Variants in ABCB1 observed in about 807,000 individuals in gnomAD.
ABCB1 encodes the protein ATP binding cassette subfamily B member 1.
ABCB1 carries 69 observed loss-of-function variants against 142.0 expected under a neutral mutation model. The observed-to-expected ratio is 0.49, with a 90% CI of 0.40 to 0.59. The LOEUF (loss-of-function observed/expected upper bound fraction) is 0.59, where lower values mean the gene tolerates loss of function less well. ABCB1 is among the 20% of genes least tolerant of loss of function. The pLI, the probability that ABCB1 is intolerant of heterozygous loss-of-function variation, is 0.00. For synonymous variants in ABCB1, 532 were observed against 539.2 expected, an observed-to-expected ratio of 0.99 and a Z score of 0.18; for missense variants, 1,326 against 1,554.7, an observed-to-expected ratio of 0.85 and a Z score of 2.47.
chr7:87,690,098 G>A (rs1021523244), intron 1 of ABCB1, among the ~76,000 whole-genome samples: 1 of 151,930 alleles, frequency 6.6e-6, no homozygotes, highest in African/African-American at 2.4e-5. Context: ...CTAAAGGGCC[G>A]GGAATACAGG....
At chr7:87,666,178 A>C (rs1030506350) in intron 1 of ABCB1, among the ~76,000 whole-genome samples, 2 of 152,158 alleles carry the variant, frequency 1.3e-5, no homozygotes, top group African/African-American at 4.8e-5. Flanking sequence ...AGTAATAGCC[A>C]TTCTGACTGG....
intron 1 of ABCB1, among the ~76,000 whole-genome samples, chr7:87,663,965 T>G (rs1824970989): frequency 6.6e-6 from 1 of 152,142 alleles, no homozygotes; most frequent in Non-Finnish European, 1.5e-5. Context: ...TTCACCTTAA[T>G]TAACTCCTTA....
intron 23 of ABCB1, among the ~76,000 whole-genome samples, chr7:87,517,121 A>T (rs962335170): frequency 6.6e-6 from 1 of 152,090 alleles, no homozygotes; most frequent in African/African-American, 2.4e-5. Flanking sequence ...ACATTTCCTT[A>T]TAAGTTCATG....
At chr7:87,703,749 T>A (rs548370048) in intron 1 of ABCB1, among the ~76,000 whole-genome samples, 9 of 152,002 alleles carry the variant, frequency 5.9e-5, no homozygotes, top group Non-Finnish European at 1.0e-4. Context: ...TCCCAACTAT[T>A]GTCCTTTGAC....
chr7:87,631,902 A>G (rs1234813864), intron 1 of ABCB1, among the ~76,000 whole-genome samples: 1 of 152,228 alleles, frequency 6.6e-6, no homozygotes, highest in African/African-American at 2.4e-5. Context: ...TTATAGGCTT[A>G]AAATTAATAA....
intron 21 of ABCB1, chr7:87,522,422 G>T (rs1309023435): frequency 3.1e-6 from 2 of 649,466 alleles, no homozygotes; most frequent in Admixed American, 1.8e-5. Context: ...TTAAATTACT[G>T]CCAGGAAACA....
chr7:87,608,104 A>T (rs1241226775), intron 1 of ABCB1, among the ~76,000 whole-genome samples: 2 of 152,194 alleles, frequency 1.3e-5, no homozygotes, highest in Non-Finnish European at 2.9e-5. Context: ...AATAATAGCA[A>T]ATTTTGCCTT....
At chr7:87,709,730 C>T (rs1829900919) in intron 1 of ABCB1, among the ~76,000 whole-genome samples, 1 of 152,020 alleles carries the variant, frequency 6.6e-6, no homozygotes, top group South Asian at 2.1e-4. Context: ...TTAGTGTCAC[C>T]TTTATACTGC....
Position 87,600,147 on chromosome 7 carries a change from T to A in ABCB1, c.38A>T (p.Lys13Met). 6.2e-7 allele frequency: 1 copy of A among 1,614,124 alleles called. No individual in the cohort carries two copies. The highest frequency in any genetic ancestry group is 8.5e-7 in the Non-Finnish European group (1 of 1,179,958). The change falls in exon 2 of 28, where the codon AAG becomes ATG. Residue 13 changes from lysine (K) to methionine (M), a missense_variant. Lys to Met is a moderately conservative substitution (Grantham distance 95). Transcript: ENST00000622132. ...LEGDRNGGAK[K>M]KNFFKLNNKS... Reference sequence around the variant, plus strand: ...ATTGTTCAGTTTAAAAAAGTTCTTCTTCTTTGCTCCTCCATTGCGGTCCCC... The same window carrying A: ...ATTGTTCAGTTTAAAAAAGTTCTTCATCTTTGCTCCTCCATTGCGGTCCCC...
intron 1 of ABCB1, among the ~76,000 whole-genome samples, chr7:87,667,045 A>G (rs975701518): frequency 5.3e-5 from 8 of 152,286 alleles, no homozygotes; most frequent in Middle Eastern, 3.4e-3. Flanking sequence ...TGGTAGTTTG[A>G]TAGGAATAGC....
rs1319770588 is a variant in ABCB1, at chr7:87,531,505, A to G, written c.2482-8T>C. Reference sequence around the variant, plus strand: ...AAGCCTGGAACCTATAGCCTGCAAAACAAAACAAATTAGAGAAATTTTAAA... The same window carrying G: ...AAGCCTGGAACCTATAGCCTGCAAAGCAAAACAAATTAGAGAAATTTTAAA... On this transcript the variant is annotated splice_polypyrimidine_tract_variant and splice_region_variant and intron_variant, in intron 20 of 27. Transcript: ENST00000622132. The G allele has an allele frequency of 1.2e-6, 2 of 1,611,994 alleles. No individual in the cohort carries two copies. The highest frequency in any genetic ancestry group is 1.3e-5 in the African/African-American group (1 of 74,862).
chr7:87,604,769 C>T (rs981801390), upstream of ABCB1, among the ~76,000 whole-genome samples: 1 of 152,104 alleles, frequency 6.6e-6, no homozygotes, highest in African/African-American at 2.4e-5. Flanking sequence ...TTAATTAAGT[C>T]GCTTAGTGAG....
intron 4 of ABCB1, among the ~76,000 whole-genome samples, chr7:87,585,075 CCTT>C (rs974827640): frequency 1.3e-5 from 2 of 152,096 alleles, no homozygotes; most frequent in African/African-American, 4.8e-5. Context: ...AATCCACTCT[CCTT>C]CTCCATCTCT....
At chr7:87,693,093 A>G (rs1828161776) in intron 1 of ABCB1, among the ~76,000 whole-genome samples, 1 of 152,180 alleles carries the variant, frequency 6.6e-6, no homozygotes, top group African/African-American at 2.4e-5. Context: ...GTGTTTGACT[A>G]TGAGAGAAGG....
At chr7:87,592,047 G>C (rs189285029) in intron 3 of ABCB1, among the ~76,000 whole-genome samples, 1 of 152,314 alleles carries the variant, frequency 6.6e-6, no homozygotes, top group African/African-American at 2.4e-5. Flanking sequence ...TGTAGAGAGA[G>C]ACAGGAACAG....
chr7:87,609,484 A>G (rs1819775776), intron 1 of ABCB1, among the ~76,000 whole-genome samples: 1 of 152,092 alleles, frequency 6.6e-6, no homozygotes, highest in South Asian at 2.1e-4. Context: ...TCAGCTAGAA[A>G]GAGGGCCAAG....
At chr7:87,710,994 T>TC (rs1422599629) in intron 1 of ABCB1, among the ~76,000 whole-genome samples, 1 of 152,180 alleles carries the variant, frequency 6.6e-6, no homozygotes, top group East Asian at 1.9e-4. Flanking sequence ...GCATCTTTTT[T>TC]CTTTTCACCT....
chr7:87,605,463 C>T (rs1819617155), upstream of ABCB1, among the ~76,000 whole-genome samples: 1 of 152,192 alleles, frequency 6.6e-6, no homozygotes, highest in Admixed American at 6.5e-5. Context: ...ATCTTTAAAA[C>T]TCCATTAGAG....
At chr7:87,700,501 A>C in intron 1 of ABCB1, 1 of 1,613,626 alleles carries the variant, frequency 6.2e-7, no homozygotes, top group Non-Finnish European at 8.5e-7. Flanking sequence ...AGTTTCACAG[A>C]ATTGTATCTG....
Sources: gnomAD v4.1 joint callset for allele counts (sites outside exome capture counted in the v4.1 genomes callset) on GRCh38, gnomAD v4.1.1 for gene constraint, MANE v1.5 for transcripts, NCBI Gene and HGNC (gene_info 2026-07-23, HGNC 2026-07-21) for gene names.